The following GRID1 variants were observed in gnomAD, a reference collection of about 807,000 sequenced individuals.
GRID1 encodes glutamate ionotropic receptor delta type subunit 1, also known as glutamate receptor ionotropic, delta-1.
GRID1 carries 28 observed loss-of-function variants against 98.0 expected under a neutral mutation model. That is an observed-to-expected ratio of 0.29 (90% confidence interval 0.21 to 0.39). The LOEUF is 0.39. Among genes scored for constraint, GRID1 ranks in the 10% least tolerant of loss-of-function variants. The pLI is 1.00. For missense variants in GRID1, 1,111 were observed against 1,340.5 expected (o/e 0.83, Z 2.67); for synonymous variants, 553 against 538.5 (o/e 1.03, Z -0.37).
chr10:85,846,864 G>C (rs1843011510), intron 8 of GRID1, among the ~76,000 whole-genome samples: 1 of 152,172 alleles, frequency 6.6e-6, no homozygotes, highest in South Asian at 2.1e-4. Context: ...AGGAAATAAA[G>C]TTTCCAAGAT....
At chr10:86,336,868 G>T (rs1287022548) in intron 2 of GRID1, among the ~76,000 whole-genome samples, 35 of 137,180 alleles carry the variant, frequency 2.6e-4, no homozygotes, top group African/African-American at 9.4e-4. Flanking sequence ...TTTTTGAGAC[G>T]GAGTCTCGCT....
At chr10:86,021,673 C>T (rs1321813047) in intron 4 of GRID1, among the ~76,000 whole-genome samples, 1 of 152,074 alleles carries the variant, frequency 6.6e-6, no homozygotes, top group African/African-American at 2.4e-5. Context: ...AACTGATGAG[C>T]CTACACTGAC....
intron 2 of GRID1, among the ~76,000 whole-genome samples, chr10:86,294,400 G>A (rs1365338336): frequency 2.0e-5 from 3 of 152,230 alleles, no homozygotes; most frequent in Admixed American, 1.3e-4. Context: ...GTGCCATGAT[G>A]AGAACAGACC....
At chr10:85,971,934 A>C (rs1020582081) in intron 4 of GRID1, among the ~76,000 whole-genome samples, 4 of 152,156 alleles carry the variant, frequency 2.6e-5, no homozygotes, top group Non-Finnish European at 5.9e-5. Flanking sequence ...CAAAAATTAG[A>C]AATAACCCAA....
At chr10:85,656,050 G>A (rs192052585) in intron 12 of GRID1, among the ~76,000 whole-genome samples, 6 of 150,722 alleles carry the variant, frequency 4.0e-5, no homozygotes, top group African/African-American at 7.3e-5. Flanking sequence ...CTCTTCTTCC[G>A]GAGAGTTATC....
chr10:85,614,608 T>C (rs1842768089), intron 14 of GRID1, among the ~76,000 whole-genome samples: 1 of 151,938 alleles, frequency 6.6e-6, no homozygotes, highest in Non-Finnish European at 1.5e-5. Flanking sequence ...TAAAACCCCA[T>C]GTGAAAGTCA....
intron 4 of GRID1, among the ~76,000 whole-genome samples, chr10:86,091,174 A>G (rs1390133618): frequency 1.3e-5 from 2 of 152,162 alleles, no homozygotes; most frequent in Non-Finnish European, 2.9e-5. Context: ...TGGTGTTCAG[A>G]CTTCACAGGC....
intron 12 of GRID1, among the ~76,000 whole-genome samples, chr10:85,659,601 A>C (rs1590178590): frequency 6.6e-6 from 1 of 152,198 alleles, no homozygotes; most frequent in Admixed American, 6.5e-5. Flanking sequence ...ACAATGCAAA[A>C]CCAGCTGTAA....
At chr10:86,198,059 G>A (rs7077289) in intron 3 of GRID1, among the ~76,000 whole-genome samples, 2,306 of 152,198 alleles carry the variant, frequency 0.015, 72 homozygotes, top group African/African-American at 0.052. Flanking sequence ...TGCTTTGCCA[G>A]GGGCCGCAAA....
rs900536723 is a variant in GRID1 at position 86,328,224 on chromosome 10, T to G, written c.235+35717A>C. ...CTCCTTATTCTGTTATGTGTGTAGG[T>G]TACATTTCTCTAAATGTAAACACAG... is the stretch of plus-strand genomic sequence containing the variant. On this transcript the variant is annotated intron_variant, in intron 2 of 15. Coordinates refer to ENST00000327946, the MANE Select transcript of GRID1 (RefSeq NM_017551.3). 3.3e-5 allele frequency among the ~76,000 whole-genome samples: 5 copies of G among 152,338 alleles called. No individual in the cohort carries two copies. The East Asian group carries it at 9.6e-4, about 29-fold the overall frequency.
intron 4 of GRID1, among the ~76,000 whole-genome samples, chr10:86,014,714 T>C (rs1037037029): frequency 1.3e-5 from 2 of 152,242 alleles, no homozygotes; most frequent in South Asian, 4.1e-4. Context: ...GCTCACTTTC[T>C]AGCCAGAATG....
intron 8 of GRID1, among the ~76,000 whole-genome samples, chr10:85,802,128 G>C (rs1433403296): frequency 6.6e-6 from 1 of 151,944 alleles, no homozygotes; most frequent in South Asian, 2.1e-4. Context: ...CCATGATCAA[G>C]GAAAACAAGA....
At chr10:86,350,860 C>G (rs138745028) in intron 2 of GRID1, among the ~76,000 whole-genome samples, 23 of 152,166 alleles carry the variant, frequency 1.5e-4, no homozygotes, top group African/African-American at 3.6e-4. Context: ...TTATAGTCAC[C>G]CTGCAGTGCT....
intron 5 of GRID1, among the ~76,000 whole-genome samples, chr10:85,912,646 C>CG (rs1295702559): frequency 6.6e-6 from 1 of 152,118 alleles, no homozygotes; most frequent in Non-Finnish European, 1.5e-5. Flanking sequence ...CTGCGGTGGT[C>CG]GGGGAGGCAC....
intron 4 of GRID1, among the ~76,000 whole-genome samples, chr10:86,038,426 C>T (rs968258978): frequency 3.3e-5 from 5 of 152,216 alleles, no homozygotes; most frequent in African/African-American, 1.2e-4. Flanking sequence ...GGAGGTACAG[C>T]TCTTGGGCTG....
chr10:85,776,107 T>C (rs1411552096), intron 8 of GRID1, among the ~76,000 whole-genome samples: 1 of 152,152 alleles, frequency 6.6e-6, no homozygotes, highest in African/African-American at 2.4e-5. Context: ...CTTGGGTTTG[T>C]GTCCCAACCT....
At chr10:86,358,430 A>G (rs893674974) in intron 2 of GRID1, among the ~76,000 whole-genome samples, 1 of 152,156 alleles carries the variant, frequency 6.6e-6, no homozygotes, top group Admixed American at 6.5e-5. Flanking sequence ...TGGCACAGGT[A>G]GCAGACAGCA....
At chr10:86,092,993 C>G (rs1393540354) in intron 4 of GRID1, among the ~76,000 whole-genome samples, 15 of 152,166 alleles carry the variant, frequency 9.9e-5, no homozygotes, top group Admixed American at 9.2e-4. Context: ...TAAAATGAGT[C>G]TCAATAAATT....
chr10:86,197,510 G>A (rs758194052), intron 3 of GRID1, among the ~76,000 whole-genome samples: 16 of 152,094 alleles, frequency 1.1e-4, no homozygotes, highest in Non-Finnish European at 2.2e-4. Flanking sequence ...GAGCAAAGGA[G>A]GTCTGGGGAG....
Sources: allele counts gnomAD v4.1 joint callset (sites outside exome capture counted in the v4.1 genomes callset), GRCh38; gene constraint gnomAD v4.1.1; transcripts MANE v1.5; gene names NCBI Gene and HGNC (gene_info 2026-07-23, HGNC 2026-07-21).